TNFSF4: variants seen among roughly 807,000 people sequenced by gnomAD.
The protein encoded by TNFSF4 is TNF superfamily member 4.
Under a neutral mutation model 7.3 loss-of-function variants are expected in TNFSF4, and 4 were observed. That is an observed-to-expected ratio of 0.55 (90% CI 0.27 to 1.25). The LOEUF (loss-of-function observed/expected upper bound fraction) is 1.25, where lower values mean the gene tolerates loss of function less well. Ranked by LOEUF, TNFSF4 falls within the 50% of genes most tolerant of loss-of-function variation. The pLI, the probability that TNFSF4 is intolerant of heterozygous loss-of-function variation, is 0.12. For missense variants in TNFSF4, 181 were observed against 208.8 expected (o/e 0.87, Z 0.82); for synonymous variants, 76 against 83.7 (o/e 0.91, Z 0.50).
chr1:173,235,048 A>G, the TNFSF4 span, among the ~76,000 whole-genome samples: 1 of 152,174 alleles, frequency 6.6e-6, no homozygotes, highest in Non-Finnish European at 1.5e-5. Flanking sequence ...GACACATTCA[A>G]TTGTAAGTTT....
chr1:173,448,492 G>A, the TNFSF4 span, among the ~76,000 whole-genome samples: 3 of 152,174 alleles, frequency 2.0e-5, no homozygotes, highest in African/African-American at 7.2e-5. Flanking sequence ...CTGGGTGCAG[G>A]TGGGCTGAGT....
chr1:173,328,271 G>A, the TNFSF4 span, among the ~76,000 whole-genome samples: 8 of 146,146 alleles, frequency 5.5e-5, no homozygotes, highest in Non-Finnish European at 9.0e-5. Flanking sequence ...ACCAAACACC[G>A]CATGTTCTCA....
the TNFSF4 span, among the ~76,000 whole-genome samples, chr1:173,410,483 TC>T: frequency 6.6e-6 from 1 of 152,226 alleles, no homozygotes; most frequent in South Asian, 2.1e-4. Context: ...ACTCATCAAC[TC>T]CCCATTTCTT....
chr1:173,319,423 T>C, the TNFSF4 span, among the ~76,000 whole-genome samples: 1 of 152,118 alleles, frequency 6.6e-6, no homozygotes, highest in African/African-American at 2.4e-5. Flanking sequence ...CTTCAGCGGA[T>C]TTAATCTTTT....
chr1:173,188,315 TTG>T, intron 2 of TNFSF4: 1 of 559,894 alleles, frequency 1.8e-6, no homozygotes, highest in South Asian at 2.2e-5. Context: ...AAGCACATAT[TTG>T]ATGAATAATT....
At chr1:173,329,865 T>C in the TNFSF4 span, among the ~76,000 whole-genome samples, 2 of 152,114 alleles carry the variant, frequency 1.3e-5, no homozygotes, top group Non-Finnish European at 2.9e-5. Context: ...TTTACTGAGA[T>C]ATACCAGACT....
the TNFSF4 span, among the ~76,000 whole-genome samples, chr1:173,427,501 A>G: frequency 6.6e-6 from 1 of 152,168 alleles, no homozygotes; most frequent in African/African-American, 2.4e-5. Context: ...ACAGATTGCA[A>G]CTAAGTTCAG....
the TNFSF4 span, among the ~76,000 whole-genome samples, chr1:173,392,115 T>C: frequency 3.4e-4 from 51 of 152,198 alleles, 1 homozygote; most frequent in African/African-American, 1.2e-3. Context: ...ACAAATGGAG[T>C]TCTAACTCAA....
the TNFSF4 span, among the ~76,000 whole-genome samples, chr1:173,390,422 G>A: frequency 1.3e-5 from 2 of 151,986 alleles, no homozygotes; most frequent in Non-Finnish European, 2.9e-5. Context: ...TTTGGCCCTG[G>A]GATTTTTCCT....
rs1649233803 is a variant in TNFSF4 at position 173,186,598 on chromosome 1, T to C, written c.470A>G (p.Asn157Ser). 3 of 1,614,172 alleles carry C rather than the reference T, an allele frequency of 1.9e-6. No homozygotes were observed. The highest frequency in any genetic ancestry group is 1.1e-5 in the South Asian group (1 of 91,086). Residue 157 changes from asparagine (N) to serine (S), a missense_variant, in exon 3 of 3, where the codon AAT becomes AGT. By Grantham distance (46) the Asn-to-Ser change is conservative. Coordinates refer to ENST00000281834, the MANE Select transcript of TNFSF4 (RefSeq NM_003326.5). ...DKVYLNVTTD[N>S]TSLDDFHVNG... ...CACATGGAAGTCATCCAGGGAGGTA[T>C]TGTCAGTGGTCACATTCAAGTAGAC... is the stretch of plus-strand genomic sequence containing the variant.
chr1:173,383,376 G>C, the TNFSF4 span, among the ~76,000 whole-genome samples: 1 of 152,192 alleles, frequency 6.6e-6, no homozygotes, highest in Non-Finnish European at 1.5e-5. Context: ...AGCTTATTTA[G>C]TGAGGTATCA....
intron 1 of TNFSF4, among the ~76,000 whole-genome samples, chr1:173,203,773 T>G (rs1030525696): frequency 6.6e-6 from 1 of 152,196 alleles, no homozygotes; most frequent in African/African-American, 2.4e-5. Flanking sequence ...TTGAGCATGA[T>G]GATAAAGGTG....
the TNFSF4 span, among the ~76,000 whole-genome samples, chr1:173,236,082 C>T: frequency 6.6e-6 from 1 of 152,066 alleles, no homozygotes; most frequent in Non-Finnish European, 1.5e-5. Context: ...CATTCCTTTC[C>T]TAAGTAATTT....
the TNFSF4 span, among the ~76,000 whole-genome samples, chr1:173,409,547 T>C: frequency 6.6e-6 from 1 of 152,216 alleles, no homozygotes; most frequent in Non-Finnish European, 1.5e-5. Flanking sequence ...CAGTTTTCTT[T>C]AGGATTGAAA....
chr1:173,309,093 C>T, the TNFSF4 span, among the ~76,000 whole-genome samples: 1 of 151,878 alleles, frequency 6.6e-6, no homozygotes, highest in Non-Finnish European at 1.5e-5. Flanking sequence ...GAATTAAATT[C>T]TTTTATTCAT....
the TNFSF4 span, among the ~76,000 whole-genome samples, chr1:173,278,646 A>T: frequency 6.6e-6 from 1 of 152,132 alleles, no homozygotes; most frequent in Non-Finnish European, 1.5e-5. Flanking sequence ...CATATAAGTG[A>T]TTATATAAAC....
At chr1:173,178,902 C>T (rs189752821), downstream of TNFSF4, among the ~76,000 whole-genome samples, 1 of 152,034 alleles carries the variant, frequency 6.6e-6, no homozygotes, top group Non-Finnish European at 1.5e-5. Context: ...GCAGACTTGA[C>T]TGTAGAAAGG....
chr1:173,331,938 T>C, the TNFSF4 span, among the ~76,000 whole-genome samples: 1 of 152,172 alleles, frequency 6.6e-6, no homozygotes, highest in African/African-American at 2.4e-5. Flanking sequence ...TTTTTGGTTG[T>C]CATATCTCAG....
chr1:173,282,028 T>C, the TNFSF4 span, among the ~76,000 whole-genome samples: 2 of 152,152 alleles, frequency 1.3e-5, no homozygotes, highest in African/African-American at 4.8e-5. Context: ...AGTAGAATGA[T>C]TACCAGAAAC....
Sources: allele counts gnomAD v4.1 joint callset (sites outside exome capture counted in the v4.1 genomes callset), GRCh38; gene constraint gnomAD v4.1.1; transcripts MANE v1.5; gene names NCBI Gene and HGNC (gene_info 2026-07-23, HGNC 2026-07-21).